The following EPB41L2 variants were observed in gnomAD, a reference collection of about 807,000 sequenced individuals.
EPB41L2 encodes the protein band 4.1-like protein 2.
In EPB41L2, 43 loss-of-function variants were observed where a neutral mutation model predicts 113.0. The ratio of observed to expected loss-of-function variants is 0.38; its 90% CI spans 0.30 to 0.49. The LOEUF (loss-of-function observed/expected upper bound fraction) is 0.49. EPB41L2 is among the 20% of genes least tolerant of loss of function. The pLI is 0.95. For missense variants in EPB41L2, 1,147 were observed against 1,223.4 expected (o/e 0.94, Z 0.93); for synonymous variants, 442 against 436.7 (o/e 1.01, Z -0.15).
chr6:130,976,373 C>T (rs1057287078), intron 1 of EPB41L2, among the ~76,000 whole-genome samples: 22 of 152,212 alleles, frequency 1.4e-4, no homozygotes, highest in Admixed American at 1.4e-3. Flanking sequence ...ATGTATACAA[C>T]TGCACATGCG....
intron 3 of EPB41L2, among the ~76,000 whole-genome samples, chr6:130,937,759 T>C (rs563716613): frequency 6.7e-6 from 1 of 149,060 alleles, no homozygotes; most frequent in Admixed American, 6.7e-5. Context: ...AAAGTTGCAG[T>C]GAGCCAAGAT....
chr6:130,953,045 T>G (rs940189611), intron 3 of EPB41L2, among the ~76,000 whole-genome samples: 5 of 150,096 alleles, frequency 3.3e-5, no homozygotes, highest in Non-Finnish European at 5.9e-5. Context: ...ATGATCTAAA[T>G]AATTCTATAT....
At chr6:130,927,733 T>C (rs896380192) in intron 3 of EPB41L2, among the ~76,000 whole-genome samples, 1 of 152,188 alleles carries the variant, frequency 6.6e-6, no homozygotes, top group African/African-American at 2.4e-5. Flanking sequence ...CTGAAAAGAA[T>C]AGAATTGCAT....
At chr6:131,022,861 A>G (rs1217936006) in intron 1 of EPB41L2, among the ~76,000 whole-genome samples, 1 of 152,208 alleles carries the variant, frequency 6.6e-6, no homozygotes, top group Non-Finnish European at 1.5e-5. Flanking sequence ...GACATCGTAG[A>G]TATTAAGTAA....
At chr6:131,040,889 C>T (rs1481568448) in intron 1 of EPB41L2, among the ~76,000 whole-genome samples, 1 of 152,038 alleles carries the variant, frequency 6.6e-6, no homozygotes, top group African/African-American at 2.4e-5. Context: ...AATTAAATAC[C>T]CTCACATAGA....
At chr6:130,875,544 T>C (rs950201210) in intron 14 of EPB41L2, among the ~76,000 whole-genome samples, 1 of 152,198 alleles carries the variant, frequency 6.6e-6, no homozygotes, top group African/African-American at 2.4e-5. Flanking sequence ...CATTTTCACA[T>C]GTCCACCTGG....
At chr6:130,940,353 T>C (rs895827231) in intron 3 of EPB41L2, among the ~76,000 whole-genome samples, 1 of 152,192 alleles carries the variant, frequency 6.6e-6, no homozygotes, top group Non-Finnish European at 1.5e-5. Flanking sequence ...ATTAAAACCT[T>C]TTCTTTCTTG....
chr6:130,847,222 TTG>T (rs1312917830), intron 19 of EPB41L2, among the ~76,000 whole-genome samples: 1 of 152,216 alleles, frequency 6.6e-6, no homozygotes, highest in African/African-American at 2.4e-5. Flanking sequence ...CAGATTGCCC[TTG>T]GTGCTTTGCA....
intron 3 of EPB41L2, among the ~76,000 whole-genome samples, chr6:130,940,639 G>A (rs1224524210): frequency 6.6e-6 from 1 of 151,846 alleles, no homozygotes; most frequent in Non-Finnish European, 1.5e-5. Flanking sequence ...GTTAATTTTT[G>A]TATTTTTAGT....
At chr6:130,926,920 A>G (rs1318592979) in intron 3 of EPB41L2, among the ~76,000 whole-genome samples, 1 of 152,214 alleles carries the variant, frequency 6.6e-6, no homozygotes, top group Non-Finnish European at 1.5e-5. Flanking sequence ...AAACAAAAGC[A>G]TAAGCAAGCA....
intron 1 of EPB41L2, among the ~76,000 whole-genome samples, chr6:130,986,414 C>T (rs1780561582): frequency 6.6e-6 from 1 of 151,682 alleles, no homozygotes; most frequent in Admixed American, 6.6e-5. Context: ...ACTTCAAACC[C>T]ACCAGGATAG....
intron 10 of EPB41L2, among the ~76,000 whole-genome samples, chr6:130,894,028 C>T (rs1463423180): frequency 6.6e-6 from 1 of 151,962 alleles, no homozygotes; most frequent in African/African-American, 2.4e-5. Flanking sequence ...AATGCATGGA[C>T]AGAAATGGAC....
At chr6:131,062,044 G>A (rs756823135) in intron 1 of EPB41L2, among the ~76,000 whole-genome samples, 1 of 151,940 alleles carries the variant, frequency 6.6e-6, no homozygotes, top group Non-Finnish European at 1.5e-5. Flanking sequence ...ATCCACCCAG[G>A]GATCTTAAAA....
intron 1 of EPB41L2, among the ~76,000 whole-genome samples, chr6:130,972,414 CA>C (rs1352500633): frequency 6.7e-6 from 1 of 150,026 alleles, no homozygotes; most frequent in Non-Finnish European, 1.5e-5. Flanking sequence ...AATATGGAAG[CA>C]ACATAAATGT....
chr6:130,972,430 T>A (rs978349218), intron 1 of EPB41L2, among the ~76,000 whole-genome samples: 1 of 151,206 alleles, frequency 6.6e-6, no homozygotes, highest in Non-Finnish European at 1.5e-5. Context: ...AAATGTAAAG[T>A]CACTAAAAGA....
chr6:130,895,379 G>A (rs576508479), intron 8 of EPB41L2, among the ~76,000 whole-genome samples: 2 of 152,262 alleles, frequency 1.3e-5, no homozygotes, highest in South Asian at 2.1e-4. Context: ...TTCAAAAGGC[G>A]TAATGCATAT....
At chr6:131,039,029 A>G (rs567468633) in intron 1 of EPB41L2, among the ~76,000 whole-genome samples, 3 of 152,022 alleles carry the variant, frequency 2.0e-5, no homozygotes, top group East Asian at 1.9e-4. Flanking sequence ...GAAACATGAT[A>G]TAAGTATTAT....
At chr6:130,984,360 G>C (rs1780039091) in intron 1 of EPB41L2, among the ~76,000 whole-genome samples, 1 of 152,190 alleles carries the variant, frequency 6.6e-6, no homozygotes, top group South Asian at 2.1e-4. Flanking sequence ...TCATTATCAA[G>C]TATTATGTAC....
chr6:130,929,660 A>C (rs534981944), intron 3 of EPB41L2, among the ~76,000 whole-genome samples: 1 of 152,308 alleles, frequency 6.6e-6, no homozygotes, highest in African/African-American at 2.4e-5. Flanking sequence ...ATGGGAAGCC[A>C]AAAATAAAGC....
Sources: gnomAD v4.1 joint callset for allele counts (sites outside exome capture counted in the v4.1 genomes callset) on GRCh38, gnomAD v4.1.1 for gene constraint, MANE v1.5 for transcripts, NCBI Gene and HGNC (gene_info 2026-07-23, HGNC 2026-07-21) for gene names.